Variants in ACTR3C observed in about 807,000 individuals in gnomAD.
ACTR3C encodes the protein actin-related protein 3C.
In ACTR3C, 18 loss-of-function variants were observed where a neutral mutation model predicts 26.3. The observed-to-expected ratio is 0.68, with a 90% confidence interval of 0.47 to 1.01. The LOEUF (loss-of-function observed/expected upper bound fraction) is 1.01, where lower values mean the gene tolerates loss of function less well. Among genes scored for constraint, ACTR3C ranks in the 50% least tolerant of loss-of-function variants. The pLI is 0.00. For synonymous variants in ACTR3C, 55 were observed against 94.5 expected, an observed-to-expected ratio of 0.58 and a Z score of 2.42; for missense variants, 184 against 250.7, an observed-to-expected ratio of 0.73 and a Z score of 1.80.
At chr7:149,907,891 T>C in the ACTR3C span, among the ~76,000 whole-genome samples, 1 of 152,130 alleles carries the variant, frequency 6.6e-6, no homozygotes, top group Admixed American at 6.5e-5. Context: ...GCATTCACAT[T>C]AATGAAATTC....
the ACTR3C span, among the ~76,000 whole-genome samples, chr7:149,939,035 C>T: frequency 6.6e-6 from 1 of 151,144 alleles, no homozygotes; most frequent in Non-Finnish European, 1.5e-5. Context: ...GGCTGGAGTG[C>T]AATGGCGCGA....
the ACTR3C span, among the ~76,000 whole-genome samples, chr7:149,895,029 T>A: frequency 6.6e-6 from 1 of 151,910 alleles, no homozygotes; most frequent in Admixed American, 6.6e-5. Flanking sequence ...AATGTGGCTT[T>A]ATAAACAGTG....
At chr7:150,309,367 C>T (rs1399359135) in intron 1 of ACTR3C, among the ~76,000 whole-genome samples, 1 of 152,198 alleles carries the variant, frequency 6.6e-6, no homozygotes, top group Non-Finnish European at 1.5e-5. Flanking sequence ...GTTTTATCAC[C>T]CAGTCAGCTC....
At chr7:150,009,133 A>G in the ACTR3C span, among the ~76,000 whole-genome samples, 1 of 152,234 alleles carries the variant, frequency 6.6e-6, no homozygotes, top group Admixed American at 6.5e-5. Context: ...GCAAAGCCCT[A>G]AAAGATAGTC....
At chr7:150,165,741 G>A in the ACTR3C span, among the ~76,000 whole-genome samples, 1 of 151,532 alleles carries the variant, frequency 6.6e-6, no homozygotes, top group East Asian at 1.9e-4. Context: ...TGGGCAGCTT[G>A]ACCAGTGACC....
At chr7:149,912,663 C>G in the ACTR3C span, among the ~76,000 whole-genome samples, 42 of 151,372 alleles carry the variant, frequency 2.8e-4, no homozygotes, top group African/African-American at 6.3e-4. Context: ...CCACCACACC[C>G]GGCTAATTTT....
chr7:150,046,389 A>C, the ACTR3C span, among the ~76,000 whole-genome samples: 1 of 131,770 alleles, frequency 7.6e-6, no homozygotes, highest in Non-Finnish European at 1.6e-5. Flanking sequence ...GCACTAAAGA[A>C]ATATGAAACA....
At chr7:150,141,441 T>C in the ACTR3C span, among the ~76,000 whole-genome samples, 2 of 151,606 alleles carry the variant, frequency 1.3e-5, no homozygotes, top group Admixed American at 6.6e-5. Flanking sequence ...GTAACGAGCA[T>C]GCTATGTGCC....
chr7:150,209,130 T>C, the ACTR3C span, among the ~76,000 whole-genome samples: 4 of 151,042 alleles, frequency 2.6e-5, no homozygotes, highest in African/African-American at 9.9e-5. Flanking sequence ...CAAAGCATCA[T>C]TGGGATATGT....
the ACTR3C span, among the ~76,000 whole-genome samples, chr7:150,116,849 G>A: frequency 6.6e-6 from 1 of 152,044 alleles, no homozygotes; most frequent in South Asian, 2.1e-4. Flanking sequence ...CAATGCAGAA[G>A]GTGGGTGATT....
chr7:150,265,973 A>T (rs1425457957), intron 6 of ACTR3C, among the ~76,000 whole-genome samples: 1 of 152,050 alleles, frequency 6.6e-6, no homozygotes, highest in Non-Finnish European at 1.5e-5. Context: ...TGCCAACTTC[A>T]TAAACTTAAC....
the ACTR3C span, among the ~76,000 whole-genome samples, chr7:150,037,957 G>C: frequency 7.2e-6 from 1 of 139,532 alleles, no homozygotes; most frequent in Non-Finnish European, 1.6e-5. Flanking sequence ...GGTGCAAAGA[G>C]CCAGGGGAGG....
the ACTR3C span, among the ~76,000 whole-genome samples, chr7:150,198,340 G>A: frequency 2.0e-5 from 3 of 148,564 alleles, no homozygotes; most frequent in Non-Finnish European, 4.4e-5. Context: ...CTGCCTGGCT[G>A]CCCAGTCTGG....
At chr7:149,903,865 C>CGTTGTT in the ACTR3C span, among the ~76,000 whole-genome samples, 1,622 of 50,660 alleles carry the variant, frequency 0.032, 89 homozygotes, top group African/African-American at 0.052. Context: ...AGTGTAAGGG[C>CGTTGTT]GTTGTTGTTG....
the ACTR3C span, among the ~76,000 whole-genome samples, chr7:150,215,521 T>C: frequency 2.0e-5 from 3 of 152,190 alleles, no homozygotes; most frequent in Non-Finnish European, 4.4e-5. Context: ...TGAGTTCAGA[T>C]TGAAATCCAC....
chr7:150,057,208 C>G, the ACTR3C span, among the ~76,000 whole-genome samples: 1 of 151,126 alleles, frequency 6.6e-6, no homozygotes, highest in Non-Finnish European at 1.5e-5. Context: ...AATAAGATAC[C>G]TGGTTATAAT....
chr7:149,949,687 A>G, the ACTR3C span, among the ~76,000 whole-genome samples: 172 of 147,232 alleles, frequency 1.2e-3, no homozygotes, highest in Non-Finnish European at 1.8e-3. Context: ...GGACCCCAGG[A>G]CCAATCCTGT....
chr7:149,913,592 C>G, the ACTR3C span, among the ~76,000 whole-genome samples: 15 of 151,962 alleles, frequency 9.9e-5, no homozygotes, highest in African/African-American at 3.4e-4. Context: ...ACTCCGGAAA[C>G]AGATTCCCAG....
the ACTR3C span, among the ~76,000 whole-genome samples, chr7:150,024,686 T>C: frequency 6.6e-5 from 9 of 137,328 alleles, no homozygotes; most frequent in Admixed American, 6.7e-4. Flanking sequence ...AACACCACAC[T>C]TGCGTGCAAG....
Sources: gnomAD v4.1 joint callset for allele counts (sites outside exome capture counted in the v4.1 genomes callset) on GRCh38, gnomAD v4.1.1 for gene constraint, MANE v1.5 for transcripts, NCBI Gene and HGNC (gene_info 2026-07-23, HGNC 2026-07-21) for gene names.